Variants in SFMBT2 observed in about 807,000 individuals in gnomAD.
SFMBT2 encodes scm-like with four MBT domains protein 2.
A neutral mutation model predicts 110.1 loss-of-function variants in SFMBT2; 38 were observed. The observed-to-expected ratio is 0.35, with a 90% CI of 0.27 to 0.45. SFMBT2 has a LOEUF of 0.45. SFMBT2 is among the 20% of genes least tolerant of loss of function. The probability of loss-of-function intolerance (pLI) is 1.00; values close to 1 mark genes in which losing one functional copy is unlikely to be tolerated. For synonymous variants in SFMBT2, 425 were observed against 425.4 expected, an observed-to-expected ratio of 1.00 and a Z score of 0.01; for missense variants, 1,011 against 1,094.9, an observed-to-expected ratio of 0.92 and a Z score of 1.08.
At chr10:7,246,510 G>A (rs1225803374) in intron 8 of SFMBT2, among the ~76,000 whole-genome samples, 1 of 152,022 alleles carries the variant, frequency 6.6e-6, no homozygotes, top group Non-Finnish European at 1.5e-5. Flanking sequence ...CACAAGGTCA[G>A]GAGTTCGAGA....
At chr10:7,392,650 C>T (rs1845800307) in intron 1 of SFMBT2, among the ~76,000 whole-genome samples, 1 of 152,116 alleles carries the variant, frequency 6.6e-6, no homozygotes, top group Non-Finnish European at 1.5e-5. Context: ...TTTTATCTCA[C>T]AAAACTATTG....
At chr10:7,224,744 A>G (rs1839851664) in intron 10 of SFMBT2, among the ~76,000 whole-genome samples, 1 of 152,112 alleles carries the variant, frequency 6.6e-6, no homozygotes, top group African/African-American at 2.4e-5. Flanking sequence ...TAAATATAAA[A>G]TTTTCCCAAA....
intron 4 of SFMBT2, among the ~76,000 whole-genome samples, chr10:7,364,574 T>C (rs1056550612): frequency 1.3e-5 from 2 of 152,246 alleles, no homozygotes; most frequent in African/African-American, 4.8e-5. Flanking sequence ...ACCCCAGAAC[T>C]TGTCTCTAAA....
chr10:7,254,088 A>T (rs764092568), intron 7 of SFMBT2, among the ~76,000 whole-genome samples: 1 of 152,196 alleles, frequency 6.6e-6, no homozygotes, highest in Non-Finnish European at 1.5e-5. Flanking sequence ...CATGAAAGAT[A>T]TCCATGCTGT....
At chr10:7,197,187 C>A (rs7069527) in intron 15 of SFMBT2, among the ~76,000 whole-genome samples, 1 of 152,150 alleles carries the variant, frequency 6.6e-6, no homozygotes, top group Non-Finnish European at 1.5e-5. Flanking sequence ...GTCCTCTGTG[C>A]CATTCCAGGC....
Position 7,161,403 on chromosome 10 carries a change from T to G in SFMBT2, c.*2367A>C, listed in dbSNP as rs140312657. On this transcript the variant is annotated 3_prime_UTR_variant, in exon 21 of 21. Transcript: ENST00000397167. ...TTGAAAAGGCCACAGTGAAGGATCATCAAAGAGTCAGCGCGGGGAAAATGC... is the reference window on the plus strand; with the variant it reads ...TTGAAAAGGCCACAGTGAAGGATCAGCAAAGAGTCAGCGCGGGGAAAATGC... 6.6e-6 allele frequency: 1 copy of G among 152,340 alleles called. No individual in the cohort carries two copies. The highest frequency in any genetic ancestry group is 1.9e-4 in the East Asian group (1 of 5,180). 9.4% of individuals were successfully genotyped at this position (152,340 alleles called of 1,614,324 possible).
At chr10:7,318,082 A>G (rs1324191808) in intron 4 of SFMBT2, among the ~76,000 whole-genome samples, 1 of 152,240 alleles carries the variant, frequency 6.6e-6, no homozygotes, top group African/African-American at 2.4e-5. Context: ...ACTGCAACAC[A>G]GAAGTGTCCA....
intron 4 of SFMBT2, among the ~76,000 whole-genome samples, chr10:7,295,779 C>T (rs1842391711): frequency 6.6e-6 from 1 of 152,164 alleles, no homozygotes. Flanking sequence ...GGTAAAGACA[C>T]TCAGTTAATA....
intron 7 of SFMBT2, among the ~76,000 whole-genome samples, chr10:7,257,847 CATTA>C (rs1215335831): frequency 1.3e-5 from 2 of 152,138 alleles, no homozygotes; most frequent in Admixed American, 1.3e-4. Context: ...AACAAGTTCT[CATTA>C]ATTAATACAA....
chr10:7,384,566 T>C (rs1023148690), intron 1 of SFMBT2, among the ~76,000 whole-genome samples: 25 of 152,190 alleles, frequency 1.6e-4, no homozygotes, highest in African/African-American at 5.8e-4. Context: ...CAGTGAATCA[T>C]CTGCAATGTA....
intron 12 of SFMBT2, 22 bp from the exon 13 acceptor site, chr10:7,202,544 A>C (rs1325768452): frequency 4.3e-6 from 7 of 1,614,078 alleles, no homozygotes; most frequent in Non-Finnish European, 5.9e-6. Flanking sequence ...GCAAAACGGA[A>C]AAAGAAAATC....
At chr10:7,381,694 G>A (rs1235437567) in intron 2 of SFMBT2, 105 bp downstream of exon 2, 3 of 1,230,430 alleles carry the variant, frequency 2.4e-6, no homozygotes, top group Admixed American at 4.3e-5. Flanking sequence ...GAACCAGACA[G>A]TATGTGAGAT....
At chr10:7,348,117 C>T (rs1844176298) in intron 4 of SFMBT2, 1 of 475,866 alleles carries the variant, frequency 2.1e-6, no homozygotes, top group Admixed American at 3.9e-5. Flanking sequence ...CTCTACGAGT[C>T]AATCAAACAT....
chr10:7,284,403 G>T (rs1842031767), intron 5 of SFMBT2: 2 of 1,212,392 alleles, frequency 1.6e-6, no homozygotes. Context: ...AACAGTTTGT[G>T]CTAAGTTCTC....
chr10:7,175,944 T>C, intron 17 of SFMBT2, 46 bp downstream of exon 17: 3 of 1,561,634 alleles, frequency 1.9e-6, no homozygotes, highest in Non-Finnish European at 2.6e-6. Flanking sequence ...GAGTGCAGTT[T>C]AGGTCTCTGG....
intron 11 of SFMBT2, chr10:7,207,688 A>G: frequency 8.2e-6 from 7 of 856,006 alleles, no homozygotes; most frequent in Non-Finnish European, 9.8e-6. Flanking sequence ...GCCAACAACC[A>G]AACACAAAAT....
At chr10:7,226,220 G>A (rs966356221) in intron 10 of SFMBT2, among the ~76,000 whole-genome samples, 1 of 152,198 alleles carries the variant, frequency 6.6e-6, no homozygotes, top group Non-Finnish European at 1.5e-5. Context: ...GCCTAGATAA[G>A]GAGAGAACTC....
At chr10:7,287,537 G>C (rs1296482705) in intron 4 of SFMBT2, among the ~76,000 whole-genome samples, 1 of 152,108 alleles carries the variant, frequency 6.6e-6, no homozygotes, top group Non-Finnish European at 1.5e-5. Context: ...TGAGGGACCT[G>C]AGCCTTCCCA....
chr10:7,374,641 C>G (rs1461492084), intron 2 of SFMBT2, among the ~76,000 whole-genome samples: 1 of 152,158 alleles, frequency 6.6e-6, no homozygotes, highest in Non-Finnish European at 1.5e-5. Context: ...TGTGTCTCCC[C>G]TGCAGGAATC....
Sources: allele counts gnomAD v4.1 joint callset (sites outside exome capture counted in the v4.1 genomes callset), GRCh38; gene constraint gnomAD v4.1.1; transcripts MANE v1.5; gene names NCBI Gene and HGNC (gene_info 2026-07-23, HGNC 2026-07-21).